SYNE2: variants seen among roughly 807,000 people sequenced by gnomAD.
SYNE2 encodes nesprin-2.
A neutral mutation model predicts 856.3 loss-of-function variants in SYNE2; 431 were observed. The observed-to-expected ratio is 0.50, with a 90% CI of 0.47 to 0.55. SYNE2 has a LOEUF of 0.55. SYNE2 is among the 20% of genes least tolerant of loss of function. The probability of loss-of-function intolerance (pLI) is 0.00; values close to 1 mark genes in which losing one functional copy is unlikely to be tolerated. For synonymous variants in SYNE2, 2,923 were observed against 2,872.3 expected, an observed-to-expected ratio of 1.02 and a Z score of -0.56; for missense variants, 8,129 against 8,023.2, an observed-to-expected ratio of 1.01 and a Z score of -0.50.
At chr14:63,994,526 A>C (rs1488845446) in intron 22 of SYNE2, among the ~76,000 whole-genome samples, 4 of 152,224 alleles carry the variant, frequency 2.6e-5, no homozygotes, top group Admixed American at 2.6e-4. Flanking sequence ...CCCCACGCCC[A>C]GATTCCTCTG....
intron 11 of SYNE2, among the ~76,000 whole-genome samples, chr14:63,969,811 A>G (rs1407018715): frequency 6.6e-6 from 1 of 151,988 alleles, no homozygotes. Flanking sequence ...GTCTTGACTG[A>G]TGTTTTGTCC....
At chr14:63,945,654 G>A (rs548501077) in intron 6 of SYNE2, among the ~76,000 whole-genome samples, 5 of 151,978 alleles carry the variant, frequency 3.3e-5, no homozygotes, top group South Asian at 2.1e-4. Flanking sequence ...ACAGAGTCTC[G>A]CTCTGTCGCC....
rs771187766 is a variant in SYNE2, at chr14:64,209,118, T to C, written c.18389+173T>C. 7.7e-5 allele frequency: 73 copies of C among 954,006 alleles called. 1 individual carries two copies. Among genetic ancestry groups the C allele is most frequent in the Admixed American group, 1.4e-4 (7 of 48,448 alleles). The allele number at this position is 954,006 out of a possible 1,614,324, so 59.1% of individuals were successfully genotyped here. A position where few individuals can be genotyped will look rare whatever the true frequency, so the allele number is the denominator to read the frequency against. On this transcript the variant is annotated intron_variant, in intron 101 of 115. Coordinates refer to ENST00000555002, the MANE Select transcript of SYNE2 (RefSeq NM_182914.3). ...TTATTCAAGAAAAATGTAACCGGAG[T>C]AATGTCTCTCCCCAGCTGTCCTGTG...
chr14:63,984,261 G>T (rs1054280983), intron 18 of SYNE2, among the ~76,000 whole-genome samples: 3 of 152,134 alleles, frequency 2.0e-5, no homozygotes, highest in African/African-American at 7.2e-5. Context: ...AGAAAGAAAA[G>T]ATATTGTTGA....
intron 30 of SYNE2, among the ~76,000 whole-genome samples, chr14:64,005,684 G>A (rs1348934762): frequency 6.6e-6 from 1 of 152,210 alleles, no homozygotes; most frequent in Non-Finnish European, 1.5e-5. Context: ...AGACATTCAA[G>A]CAGCAATATC....
intron 49 of SYNE2, among the ~76,000 whole-genome samples, chr14:64,059,822 G>A (rs1006479723): frequency 6.6e-6 from 1 of 152,218 alleles, no homozygotes; most frequent in Non-Finnish European, 1.5e-5. Context: ...ATTGCCTAGA[G>A]TTGGAAACCT....
intron 2 of SYNE2, among the ~76,000 whole-genome samples, chr14:63,925,882 C>G (rs1315217724): frequency 6.6e-6 from 1 of 152,102 alleles, no homozygotes; most frequent in Admixed American, 6.5e-5. Flanking sequence ...GGGATAGGGT[C>G]TCACTTTGTC....
At chr14:64,016,777 C>G in intron 33 of SYNE2, 146 bp downstream of exon 33, 1 of 632,506 alleles carries the variant, frequency 1.6e-6, no homozygotes, top group South Asian at 2.1e-5. Flanking sequence ...ATTTTAACCC[C>G]AGAGTTGGGA....
intron 1 of SYNE2, among the ~76,000 whole-genome samples, chr14:63,811,271 T>G (rs1301077435): frequency 6.6e-6 from 1 of 152,112 alleles, no homozygotes; most frequent in Non-Finnish European, 1.5e-5. Flanking sequence ...TATTATTTTT[T>G]TTGATTCAGG....
intron 1 of SYNE2, among the ~76,000 whole-genome samples, chr14:63,846,971 T>C (rs1595169236): frequency 1.3e-5 from 2 of 151,682 alleles, no homozygotes; most frequent in South Asian, 4.2e-4. Flanking sequence ...CTAGTTTTAT[T>C]ATATTGTTTA....
At chr14:64,070,545 AC>A in intron 51 of SYNE2, 99 bp from the exon 52 acceptor site, 1 of 973,626 alleles carries the variant, frequency 1.0e-6, no homozygotes, top group African/African-American at 1.6e-5. Flanking sequence ...GGCACTAGGA[AC>A]CCTTTGAAGA....
intron 86 of SYNE2, 95 bp from the exon 87 acceptor site, chr14:64,159,217 T>C: frequency 6.9e-7 from 1 of 1,459,560 alleles, no homozygotes; most frequent in Non-Finnish European, 9.6e-7. Context: ...ATTTGAGTGT[T>C]ATTGCTACAT....
intron 81 of SYNE2, 100 bp downstream of exon 81, chr14:64,141,623 C>A: frequency 7.7e-7 from 1 of 1,302,008 alleles, no homozygotes; most frequent in Non-Finnish European, 1.1e-6. Context: ...ATTGACACTA[C>A]CTATTTTTCT....
chr14:63,995,316 C>T (rs1034362336), intron 23 of SYNE2, 114 bp downstream of exon 23: 6 of 842,228 alleles, frequency 7.1e-6, no homozygotes, highest in Non-Finnish European at 1.1e-5. Context: ...CCTAGCCCTC[C>T]TCTCCCCGGG....
At chr14:64,135,145 A>G (rs2098075544) in intron 78 of SYNE2, among the ~76,000 whole-genome samples, 1 of 152,228 alleles carries the variant, frequency 6.6e-6, no homozygotes, top group Admixed American at 6.5e-5. Flanking sequence ...ACAAGATAAA[A>G]ACAAGTTTTA....
chr14:64,033,515 C>CA lies in SYNE2; in HGVS notation c.7221+2171dup, dbSNP rs34976939. On this transcript the variant is annotated intron_variant, in intron 45 of 115. Transcript: ENST00000555002. ...GCAACATGGTGAAACCCAGTCTCTA[C>CA]AAAAAAAAAAAAATACAAAAATTAG... Among the ~76,000 whole-genome samples the CA allele has an allele frequency of 8.4e-4, 118 of 141,142 alleles. 1 individual carries two copies. The highest frequency in any genetic ancestry group is 2.7e-3 in the African/African-American group (103 of 37,812). The allele number at this position is 141,142 out of a possible 152,430, so 92.6% of individuals were successfully genotyped here. A position where few individuals can be genotyped will look rare whatever the true frequency, so the allele number is the denominator to read the frequency against.
chr14:64,142,673 T>C (rs758168131), intron 82 of SYNE2, among the ~76,000 whole-genome samples: 92 of 152,160 alleles, frequency 6.0e-4, no homozygotes, highest in Admixed American at 1.5e-3. Context: ...ACTGAGCTTC[T>C]CGAGACCAGG....
chr14:63,829,393 G>A (rs1889583697), intron 1 of SYNE2, among the ~76,000 whole-genome samples: 1 of 151,514 alleles, frequency 6.6e-6, no homozygotes, highest in Non-Finnish European at 1.5e-5. Context: ...CTCCAGCCTG[G>A]ACAACAGAGG....
At chr14:63,775,749 TTTTG>T (rs576349413) in intron 1 of SYNE2, among the ~76,000 whole-genome samples, 23 of 152,124 alleles carry the variant, frequency 1.5e-4, no homozygotes, top group African/African-American at 2.4e-4. Flanking sequence ...CCCTGGCTAA[TTTTG>T]TTTGTTTGTT....
Sources: allele counts gnomAD v4.1 joint callset (sites outside exome capture counted in the v4.1 genomes callset), GRCh38; gene constraint gnomAD v4.1.1; transcripts MANE v1.5; gene names NCBI Gene and HGNC (gene_info 2026-07-23, HGNC 2026-07-21).